Variants in ARAP1 observed in about 807,000 individuals in gnomAD.
ARAP1 encodes the protein ArfGAP with RhoGAP domain, ankyrin repeat and PH domain 1.
Under a neutral mutation model 172.2 loss-of-function variants are expected in ARAP1, and 76 were observed. That is an observed-to-expected ratio of 0.44 (90% CI 0.37 to 0.53). The LOEUF (loss-of-function observed/expected upper bound fraction) is 0.53. ARAP1 is among the 20% of genes least tolerant of loss of function. The pLI, the probability that ARAP1 is intolerant of heterozygous loss-of-function variation, is 0.00. For synonymous variants in ARAP1, 804 were observed against 803.3 expected (o/e 1.00, Z -0.01); for missense variants, 1,686 against 1,977.5 (o/e 0.85, Z 2.80).
At chr11:72,704,635 T>G in intron 13 of ARAP1, 1 of 343,578 alleles carries the variant, frequency 2.9e-6, no homozygotes, top group Non-Finnish European at 5.3e-6. Context: ...CCCCACCCAG[T>G]TCCACATCTG....
chr11:72,697,478 T>G lies in ARAP1; in HGVS notation c.2798A>C (p.Tyr933Ser), dbSNP rs1856261965. Reference protein sequence around the residue: ...LVLVERRRTLYIQGERRLDFM... With the variant: ...LVLVERRRTLSIQGERRLDFM... ...GTCCAGCCGCCGCTCGCCCTGTATGTACAGTGTCCTGGGCCAGGGACAGTC... is the reference window on the plus strand; with the variant it reads ...GTCCAGCCGCCGCTCGCCCTGTATGGACAGTGTCCTGGGCCAGGGACAGTC... Residue 933 changes from tyrosine to serine, a missense_variant, in exon 21 of 35, where the codon TAC becomes TCC. Tyr to Ser is a moderately radical substitution (Grantham distance 144). Coordinates refer to ENST00000393609, the MANE Select transcript of ARAP1 (RefSeq NM_001040118.3). The G allele has an allele frequency of 6.2e-7, 1 of 1,613,272 alleles. No individual in the cohort carries two copies. The highest frequency in any genetic ancestry group is 8.5e-7 in the Non-Finnish European group (1 of 1,179,698).
Position 72,686,255 on chromosome 11 carries a change from C to T in ARAP1, c.4186-64G>A, listed in dbSNP as rs1210360174. The T allele has an allele frequency of 2.2e-5, 34 of 1,551,684 alleles. No homozygotes were observed. The Admixed American group carries it at 6.2e-4, about 28-fold the overall frequency. On this transcript the variant is annotated intron_variant, in intron 33 of 34. Transcript: ENST00000393609. ...TTCACCCAGACACTCAGCCTCAGAT[C>T]TGCCCACCCTTCCCAGAAATGCCTC... is the stretch of plus-strand genomic sequence containing the variant.
intron 1 of ARAP1, among the ~76,000 whole-genome samples, chr11:72,744,274 G>A (rs1433791770): frequency 6.6e-6 from 1 of 152,196 alleles, no homozygotes; most frequent in Non-Finnish European, 1.5e-5. Flanking sequence ...GTGGCACACA[G>A]TGAATATCTG....
chr11:72,689,877 A>T (rs1855865458), intron 30 of ARAP1, among the ~76,000 whole-genome samples: 1 of 152,186 alleles, frequency 6.6e-6, no homozygotes, highest in Admixed American at 6.5e-5. Flanking sequence ...ACATGGAAGA[A>T]ACAAGATGTG....
intron 5 of ARAP1, 49 bp from the exon 6 acceptor site, chr11:72,712,617 C>T: frequency 1.1e-5 from 18 of 1,607,578 alleles, no homozygotes; most frequent in Non-Finnish European, 1.4e-5. Flanking sequence ...AGCCACAGAT[C>T]ACACCCACCC....
At chr11:72,702,551 G>A (rs1023337976) in intron 15 of ARAP1, among the ~76,000 whole-genome samples, 2 of 152,266 alleles carry the variant, frequency 1.3e-5, no homozygotes, top group Admixed American at 6.5e-5. Flanking sequence ...CACCCCTCAC[G>A]CAGCAACACA....
intron 2 of ARAP1, among the ~76,000 whole-genome samples, chr11:72,731,177 T>A (rs535796103): frequency 6.6e-6 from 1 of 152,194 alleles, no homozygotes; most frequent in Admixed American, 6.5e-5. Flanking sequence ...CAGTGGAAGA[T>A]GCAGAGTTCA....
chr11:72,703,958 C>G (rs375406000), intron 14 of ARAP1, 194 bp downstream of exon 14: 2 of 666,880 alleles, frequency 3.0e-6, no homozygotes, highest in East Asian at 5.8e-5. Context: ...AGGGTCAGGC[C>G]TGGCTCCTCC....
At chr11:72,690,980 C>T (rs935725598) in intron 30 of ARAP1, among the ~76,000 whole-genome samples, 3 of 152,266 alleles carry the variant, frequency 2.0e-5, no homozygotes, top group Non-Finnish European at 2.9e-5. Context: ...CAGCTCACAT[C>T]TGCTCAGGGC....
intron 1 of ARAP1, 24 bp downstream of exon 1, chr11:72,752,304 G>A (rs1157880498): frequency 6.6e-6 from 1 of 152,304 alleles, no homozygotes; most frequent in Non-Finnish European, 1.5e-5. Context: ...CTGCAGACGG[G>A]GAGGCTCCGG....
intron 34 of ARAP1, 97 bp downstream of exon 34, chr11:72,685,945 G>GGGAGGGCAATCA: frequency 6.2e-7 from 1 of 1,601,708 alleles, no homozygotes; most frequent in Non-Finnish European, 8.5e-7. Flanking sequence ...GAGGGCAATC[G>GGGAGGGCAATCA]GGGAGGGCAA....
In ARAP1 at chr11:72,714,282, T is replaced by C. The variant is rs1591212152; in HGVS notation, c.549A>G (p.Leu183=). 6.5e-7 allele frequency: 1 copy of C among 1,544,622 alleles called. No individual in the cohort carries two copies. ...TKEEESLLPS[L]SSPPQPQSEE... ...CAGACTGTGGCTGGGGAGGGGATGA[T>C]AATGATGGCAGCAATGACTCCTCCT... The change falls in exon 4 of 35, where the codon TTA becomes TTG. Residue 183 remains leucine (L), a synonymous_variant. Transcript: ENST00000393609.
chr11:72,751,512 G>A (rs964352029), intron 1 of ARAP1, among the ~76,000 whole-genome samples: 7 of 151,996 alleles, frequency 4.6e-5, no homozygotes, highest in Admixed American at 1.3e-4. Context: ...GACTCTCCGC[G>A]AACAGGTATC....
intron 1 of ARAP1, among the ~76,000 whole-genome samples, chr11:72,742,314 G>A (rs888903883): frequency 2.6e-5 from 4 of 152,166 alleles, no homozygotes; most frequent in South Asian, 2.1e-4. Flanking sequence ...AGTGCTTACC[G>A]TCTACCCAGC....
Position 72,695,186 on chromosome 11 carries a change from C to A in ARAP1, c.3577-89G>T. ...TATGTGACTCAGAGCCTGAGCCCAT[C>A]CTTCTCAGGCCCTTCTGGAGTCCTG... On this transcript the variant is annotated intron_variant, in intron 26 of 34. Transcript: ENST00000393609. The surrounding 1 kb of genome is among the most constrained non-coding windows in gnomAD (Gnocchi z 4.4). The A allele has an allele frequency of 7.0e-7, 1 of 1,430,516 alleles. No individual in the cohort carries two copies. Among genetic ancestry groups the A allele is most frequent in the Non-Finnish European group, 9.7e-7 (1 of 1,027,280 alleles). The allele number at this position is 1,430,516 out of a possible 1,614,324, so 88.6% of individuals were successfully genotyped here. A position where few individuals can be genotyped will look rare whatever the true frequency, so the allele number is the denominator to read the frequency against.
intron 2 of ARAP1, among the ~76,000 whole-genome samples, chr11:72,731,552 T>C (rs1037576304): frequency 1.3e-5 from 2 of 152,238 alleles, no homozygotes; most frequent in Non-Finnish European, 2.9e-5. Context: ...GCCATGCTTA[T>C]ACAGCCTGCA....
intron 13 of ARAP1, 56 bp downstream of exon 13, chr11:72,705,749 A>T: frequency 6.4e-7 from 1 of 1,573,710 alleles, no homozygotes; most frequent in Non-Finnish European, 8.7e-7. Flanking sequence ...GGAGACCCAG[A>T]CAGCTGTTGA....
intron 3 of ARAP1, among the ~76,000 whole-genome samples, chr11:72,724,221 G>A (rs1434122311): frequency 6.6e-6 from 1 of 152,100 alleles, no homozygotes; most frequent in African/African-American, 2.4e-5. Flanking sequence ...CACACAGACT[G>A]GCCCAGACAT....
chr11:72,694,268 C>T (rs1856076259), intron 27 of ARAP1, among the ~76,000 whole-genome samples: 1 of 151,912 alleles, frequency 6.6e-6, no homozygotes, highest in Non-Finnish European at 1.5e-5. Context: ...TCCCTCTCCC[C>T]ACCCATCAGC....
Sources: allele counts gnomAD v4.1 joint callset (sites outside exome capture counted in the v4.1 genomes callset), GRCh38; gene constraint gnomAD v4.1.1; non-coding constraint Gnocchi (gnomAD v3.1); transcripts MANE v1.5; gene names NCBI Gene and HGNC (gene_info 2026-07-23, HGNC 2026-07-21).